Variants in ZSWIM6 observed in about 807,000 individuals in gnomAD.
The protein encoded by ZSWIM6 is zinc finger SWIM-type containing 6, also known as zinc finger SWIM domain-containing protein 6.
ZSWIM6 carries 9 observed loss-of-function variants against 113.2 expected under a neutral mutation model. That is an observed-to-expected ratio of 0.08 (90% CI 0.05 to 0.14). The LOEUF (loss-of-function observed/expected upper bound fraction) is 0.14, where lower values mean the gene tolerates loss of function less well. Among genes scored for constraint, ZSWIM6 ranks in the 10% least tolerant of loss-of-function variants. ZSWIM6 has a pLI of 1.00. For synonymous variants in ZSWIM6, 611 were observed against 606.5 expected (o/e 1.01, Z -0.11); for missense variants, 1,162 against 1,552.2 (o/e 0.75, Z 4.22).
At chr5:61,515,569 A>C (rs1202989952) in intron 4 of ZSWIM6, among the ~76,000 whole-genome samples, 1 of 152,100 alleles carries the variant, frequency 6.6e-6, no homozygotes, top group African/African-American at 2.4e-5. Context: ...TAACAGCATT[A>C]ATCCATTCAT....
rs1749655408 is a variant in ZSWIM6 at position 61,538,955 on chromosome 5, G to A, written c.2523G>A (p.Met841Ile). 2 of 1,551,700 alleles carry A rather than the reference G, an allele frequency of 1.3e-6. No homozygotes were observed. Among genetic ancestry groups the A allele is most frequent in the South Asian group, 1.2e-5 (1 of 84,014 alleles). The change falls in exon 11 of 14, where the codon ATG becomes ATA. Residue 841 changes from methionine (M) to isoleucine (I), a missense_variant. Transcript: ENST00000252744. Reference sequence around the variant, plus strand: ...AGCAGTGTGAGCTGGCATCCACCATGCTAACTGCAGCCAAAGGTACTGTAC... The same window carrying A: ...AGCAGTGTGAGCTGGCATCCACCATACTAACTGCAGCCAAAGGTACTGTAC... ...ESQQCELAST[M>I]LTAAKGDVRR...
intron 4 of ZSWIM6, among the ~76,000 whole-genome samples, chr5:61,517,925 C>G (rs1280223339): frequency 7.8e-6 from 1 of 127,508 alleles, no homozygotes; most frequent in Non-Finnish European, 1.7e-5. Flanking sequence ...AGGTATATCT[C>G]CAAATGCTAT....
chr5:61,349,477 A>G (rs749162571), intron 1 of ZSWIM6, among the ~76,000 whole-genome samples: 2 of 152,234 alleles, frequency 1.3e-5, no homozygotes, highest in Admixed American at 6.5e-5. Context: ...TCTGAATGTG[A>G]ATTGCTGTGG....
chr5:61,389,204 G>T (rs1745649584), intron 1 of ZSWIM6, among the ~76,000 whole-genome samples: 1 of 151,976 alleles, frequency 6.6e-6, no homozygotes, highest in Non-Finnish European at 1.5e-5. Context: ...TTGTTTTCAT[G>T]GTACCACATT....
chr5:61,342,551 C>A (rs1370707685), intron 1 of ZSWIM6, among the ~76,000 whole-genome samples: 1 of 152,146 alleles, frequency 6.6e-6, no homozygotes, highest in African/African-American at 2.4e-5. Flanking sequence ...GGTGCTCAAG[C>A]AATACTGTCC....
intron 1 of ZSWIM6, among the ~76,000 whole-genome samples, chr5:61,398,444 G>A (rs570589321): frequency 9.3e-4 from 142 of 152,242 alleles, no homozygotes; most frequent in African/African-American, 3.1e-3. Flanking sequence ...CCCTGGTGCC[G>A]AAAAGGTTGG....
chr5:61,463,295 A>G (rs1375592085), intron 1 of ZSWIM6, among the ~76,000 whole-genome samples: 1 of 152,220 alleles, frequency 6.6e-6, no homozygotes, highest in African/African-American at 2.4e-5. Flanking sequence ...CATTTAGGTT[A>G]CATAAGAAGC....
intron 1 of ZSWIM6, chr5:61,347,815 G>A (rs1291158077): frequency 6.6e-6 from 1 of 152,102 alleles, no homozygotes; most frequent in African/African-American, 2.4e-5. Flanking sequence ...TCCACTTTTC[G>A]ACATGAAACT....
At chr5:61,459,318 C>A (rs56802710) in intron 1 of ZSWIM6, among the ~76,000 whole-genome samples, 23,117 of 152,044 alleles carry the variant, frequency 0.15, 1,851 homozygotes, top group Non-Finnish European at 0.18. Context: ...GTGTTGTTAT[C>A]AGTATCCAAC....
At chr5:61,343,561 C>T (rs1170165907) in intron 1 of ZSWIM6, among the ~76,000 whole-genome samples, 1 of 152,026 alleles carries the variant, frequency 6.6e-6, no homozygotes, top group Non-Finnish European at 1.5e-5. Flanking sequence ...GAGTGTAGTA[C>T]TGTGTAGGGA....
chr5:61,445,599 A>G (rs186276645), intron 1 of ZSWIM6, among the ~76,000 whole-genome samples: 26 of 152,360 alleles, frequency 1.7e-4, no homozygotes, highest in African/African-American at 5.5e-4. Flanking sequence ...GAACACAACT[A>G]AAGTTTGAAA....
chr5:61,346,482 G>A (rs1744661028), intron 1 of ZSWIM6, among the ~76,000 whole-genome samples: 2 of 152,312 alleles, frequency 1.3e-5, no homozygotes, highest in African/African-American at 2.4e-5. Context: ...CTAGATATGT[G>A]TATATGTATA....
At chr5:61,409,490 A>G (rs1009404942) in intron 1 of ZSWIM6, among the ~76,000 whole-genome samples, 2 of 152,192 alleles carry the variant, frequency 1.3e-5, no homozygotes, top group African/African-American at 4.8e-5. Context: ...TTGGGTTATT[A>G]CTGCTGATTT....
intron 4 of ZSWIM6, among the ~76,000 whole-genome samples, chr5:61,497,106 GA>G (rs34912981): frequency 0.17 from 20,440 of 119,738 alleles, 1,565 homozygotes; most frequent in Admixed American, 0.27. Flanking sequence ...AGTACACCAG[GA>G]AAAAAAAAAA....
chr5:61,407,708 G>A (rs1348057984), intron 1 of ZSWIM6, among the ~76,000 whole-genome samples: 1 of 152,108 alleles, frequency 6.6e-6, no homozygotes, highest in African/African-American at 2.4e-5. Flanking sequence ...AAATACAAAT[G>A]GCTTCTAAAA....
intron 1 of ZSWIM6, among the ~76,000 whole-genome samples, chr5:61,354,947 C>CT (rs1488927434): frequency 6.6e-6 from 1 of 152,082 alleles, no homozygotes; most frequent in African/African-American, 2.4e-5. Flanking sequence ...ATTTTGTAGT[C>CT]TATTTAGATT....
Position 61,375,449 on chromosome 5 carries a change from A to G in ZSWIM6, c.676+42501A>G, listed in dbSNP as rs1264330432. On this transcript the variant is annotated intron_variant, in intron 1 of 13. Coordinates refer to ENST00000252744, the MANE Select transcript of ZSWIM6 (RefSeq NM_020928.2). ...TCATCTTCTTCTTCATCAAGCTCTGATTCTTCCAGCAGTTCTTCTGATTCT... is the reference window on the plus strand; with the variant it reads ...TCATCTTCTTCTTCATCAAGCTCTGGTTCTTCCAGCAGTTCTTCTGATTCT... 6 of 1,535,580 alleles carry G rather than the reference A, an allele frequency of 3.9e-6. No individual in the cohort carries two copies. The East Asian group carries it at 1.4e-4, about 36-fold the overall frequency.
At chr5:61,534,013 C>T (rs1419856141) in intron 9 of ZSWIM6, among the ~76,000 whole-genome samples, 1 of 152,110 alleles carries the variant, frequency 6.6e-6, no homozygotes, top group East Asian at 1.9e-4. Context: ...TGGATCAGGG[C>T]CCCACCCTTA....
At chr5:61,523,033 A>ATTTGGGACCTTGTTTCTAAGGGCAGTG (rs1749174128) in intron 5 of ZSWIM6, among the ~76,000 whole-genome samples, 6 of 152,180 alleles carry the variant, frequency 3.9e-5, no homozygotes, top group Admixed American at 1.3e-4. Flanking sequence ...AGGTGATACA[A>ATTTGGGACCTTGTTTCTAAGGGCAGTG]TTTGGGACCT....
Sources: allele counts gnomAD v4.1 joint callset (sites outside exome capture counted in the v4.1 genomes callset), GRCh38; gene constraint gnomAD v4.1.1; transcripts MANE v1.5; gene names NCBI Gene and HGNC (gene_info 2026-07-23, HGNC 2026-07-21).